CADPS2: variants seen among roughly 807,000 people sequenced by gnomAD.
The protein encoded by CADPS2 is calcium dependent secretion activator 2.
A neutral mutation model predicts 172.5 loss-of-function variants in CADPS2; 93 were observed. The ratio of observed to expected loss-of-function variants is 0.54; its 90% confidence interval spans 0.46 to 0.64. CADPS2 has a LOEUF of 0.64. Among genes scored for constraint, CADPS2 ranks in the 30% least tolerant of loss-of-function variants. The pLI is 0.00. For missense variants in CADPS2, 1,420 were observed against 1,565.9 expected (o/e 0.91, Z 1.57); for synonymous variants, 546 against 555.2 (o/e 0.98, Z 0.23).
chr7:122,501,330 T>C (rs75492699), intron 9 of CADPS2, among the ~76,000 whole-genome samples: 2,822 of 151,390 alleles, frequency 0.019, 94 homozygotes, highest in African/African-American at 0.065. Context: ...TTTGAAGATA[T>C]TACATTTGGA....
At chr7:122,515,206 A>G (rs1202005637) in intron 8 of CADPS2, among the ~76,000 whole-genome samples, 1 of 152,136 alleles carries the variant, frequency 6.6e-6, no homozygotes, top group Non-Finnish European at 1.5e-5. Context: ...AATTCATTCC[A>G]TTATCTGTGC....
At chr7:122,607,869 T>G (rs1284056828) in intron 6 of CADPS2, among the ~76,000 whole-genome samples, 1 of 152,100 alleles carries the variant, frequency 6.6e-6, no homozygotes, top group East Asian at 1.9e-4. Context: ...AAGATGGAAA[T>G]GAGAGGAGAG....
intron 8 of CADPS2, among the ~76,000 whole-genome samples, chr7:122,542,923 A>C (rs1273704592): frequency 6.6e-6 from 1 of 152,078 alleles, no homozygotes; most frequent in Non-Finnish European, 1.5e-5. Flanking sequence ...AGTATTTTTC[A>C]GTTACTGTTC....
intron 7 of CADPS2, among the ~76,000 whole-genome samples, chr7:122,556,208 G>A (rs928570765): frequency 2.0e-5 from 3 of 152,008 alleles, no homozygotes; most frequent in Non-Finnish European, 4.4e-5. Context: ...TCTTTCTTAA[G>A]TGACAGTAAA....
intron 28 of CADPS2, chr7:122,338,811 T>C (rs1328211640): frequency 6.6e-6 from 1 of 152,176 alleles, no homozygotes; most frequent in African/African-American, 2.4e-5. Context: ...ACCTAGGCTG[T>C]AGTACAGTGT....
intron 9 of CADPS2, among the ~76,000 whole-genome samples, chr7:122,494,848 G>T (rs1039549711): frequency 1.3e-5 from 2 of 150,582 alleles, no homozygotes; most frequent in African/African-American, 4.9e-5. Flanking sequence ...TATGTCTAAG[G>T]TTTACAAATG....
chr7:122,736,928 G>T, intron 2 of CADPS2, 27 bp downstream of exon 2: 3 of 1,185,906 alleles, frequency 2.5e-6, no homozygotes, highest in Non-Finnish European at 3.7e-6. Context: ...GCATCGGAAA[G>T]CCAAAAACAA....
chr7:122,748,364 T>C (rs1562928139), intron 1 of CADPS2, among the ~76,000 whole-genome samples: 1 of 152,154 alleles, frequency 6.6e-6, no homozygotes, highest in Non-Finnish European at 1.5e-5. Flanking sequence ...AGGAAGAACT[T>C]TGTGCCTCAG....
intron 25 of CADPS2, among the ~76,000 whole-genome samples, chr7:122,370,248 G>A (rs764113929): frequency 1.3e-5 from 2 of 152,108 alleles, no homozygotes; most frequent in East Asian, 3.9e-4. Flanking sequence ...TCCTCCAAGG[G>A]TTAGCAAACT....
intron 1 of CADPS2, among the ~76,000 whole-genome samples, chr7:122,838,746 G>T (rs1417974636): frequency 1.3e-5 from 2 of 152,142 alleles, no homozygotes; most frequent in African/African-American, 4.8e-5. Flanking sequence ...TCTTCAAGGA[G>T]AACTACAAAC....
chr7:122,646,681 A>G (rs2078596085), intron 3 of CADPS2, among the ~76,000 whole-genome samples: 1 of 152,184 alleles, frequency 6.6e-6, no homozygotes, highest in African/African-American at 2.4e-5. Flanking sequence ...GCCACACTGA[A>G]CACCACAACT....
intron 1 of CADPS2, among the ~76,000 whole-genome samples, chr7:122,827,828 TA>T (rs1805388165): frequency 1.3e-5 from 2 of 152,104 alleles, no homozygotes; most frequent in South Asian, 2.1e-4. Flanking sequence ...CAAAACTCCT[TA>T]AAAAATATCA....
At chr7:122,575,643 G>C (rs533685805) in intron 7 of CADPS2, among the ~76,000 whole-genome samples, 1 of 152,038 alleles carries the variant, frequency 6.6e-6, no homozygotes, top group African/African-American at 2.4e-5. Flanking sequence ...CACCATGTTG[G>C]CCAGGCTGGT....
chr7:122,469,427 G>C (rs766363370), intron 14 of CADPS2, among the ~76,000 whole-genome samples: 5 of 152,150 alleles, frequency 3.3e-5, no homozygotes, highest in Non-Finnish European at 7.3e-5. Flanking sequence ...TAGTCAGAAG[G>C]AATTGAGACA....
chr7:122,397,670 T>C (rs530384843), intron 20 of CADPS2, among the ~76,000 whole-genome samples: 13 of 152,318 alleles, frequency 8.5e-5, no homozygotes, highest in African/African-American at 3.1e-4. Context: ...CCTCTTAATA[T>C]GTAGCCTGAG....
chr7:122,782,521 G>C (rs1330018756), intron 1 of CADPS2, among the ~76,000 whole-genome samples: 3 of 152,178 alleles, frequency 2.0e-5, no homozygotes, highest in Non-Finnish European at 4.4e-5. Context: ...TAAGGTGGGA[G>C]AATCATTTGA....
At chr7:122,642,019 C>T (rs772026596) in intron 3 of CADPS2, among the ~76,000 whole-genome samples, 98 of 152,140 alleles carry the variant, frequency 6.4e-4, no homozygotes, top group Non-Finnish European at 1.3e-3. Context: ...GTGGCTCAAA[C>T]CTGTAATCCC....
chr7:122,638,207 G>C (rs1030788865), intron 3 of CADPS2, among the ~76,000 whole-genome samples: 2 of 152,126 alleles, frequency 1.3e-5, no homozygotes, highest in African/African-American at 4.8e-5. Context: ...GTGGCTGGTA[G>C]ACAAGACTAT....
chr7:122,432,806 A>AT (rs1310213718), intron 17 of CADPS2, among the ~76,000 whole-genome samples: 1 of 151,988 alleles, frequency 6.6e-6, no homozygotes, highest in African/African-American at 2.4e-5. Flanking sequence ...ACAAGAGACT[A>AT]CAGTGTCAAA....
Sources: allele counts gnomAD v4.1 joint callset (sites outside exome capture counted in the v4.1 genomes callset), GRCh38; gene constraint gnomAD v4.1.1; transcripts MANE v1.5; gene names NCBI Gene and HGNC (gene_info 2026-07-23, HGNC 2026-07-21).